SLC24A2: variants seen among roughly 807,000 people sequenced by gnomAD.
SLC24A2 encodes solute carrier family 24 member 2, also known as sodium/potassium/calcium exchanger 2.
In SLC24A2, 36 loss-of-function variants were observed where a neutral mutation model predicts 62.0. The ratio of observed to expected loss-of-function variants is 0.58; its 90% CI spans 0.44 to 0.77. The LOEUF is 0.77. Among genes scored for constraint, SLC24A2 ranks in the 30% least tolerant of loss-of-function variants. The pLI, the probability that SLC24A2 is intolerant of heterozygous loss-of-function variation, is 0.00. For synonymous variants in SLC24A2, 358 were observed against 294.0 expected, an observed-to-expected ratio of 1.22 and a Z score of -2.23; for missense variants, 846 against 817.9, an observed-to-expected ratio of 1.03 and a Z score of -0.42.
At chr9:20,032,861 T>C in the SLC24A2 span, among the ~76,000 whole-genome samples, 27 of 152,030 alleles carry the variant, frequency 1.8e-4, no homozygotes, top group Admixed American at 4.6e-4. Flanking sequence ...AAAAACACAG[T>C]GTATTGCAAG....
chr9:20,237,234 C>T, the SLC24A2 span, among the ~76,000 whole-genome samples: 1 of 152,126 alleles, frequency 6.6e-6, no homozygotes, highest in Non-Finnish European at 1.5e-5. Flanking sequence ...CTATATGTAT[C>T]ATATATAATA....
chr9:20,193,239 C>A, the SLC24A2 span, among the ~76,000 whole-genome samples: 1 of 152,088 alleles, frequency 6.6e-6, no homozygotes, highest in Admixed American at 6.6e-5. Flanking sequence ...AAATAAAGTA[C>A]AAACTGGATT....
chr9:20,034,633 A>AT, the SLC24A2 span, among the ~76,000 whole-genome samples: 9 of 151,386 alleles, frequency 5.9e-5, no homozygotes, highest in South Asian at 2.1e-4. Flanking sequence ...TGCCCGGCTA[A>AT]TTTTTTTTGT....
intron 10 of SLC24A2, among the ~76,000 whole-genome samples, chr9:19,519,674 A>C (rs963865945): frequency 6.6e-6 from 1 of 152,206 alleles, no homozygotes; most frequent in Non-Finnish European, 1.5e-5. Context: ...TCTAGCAGGC[A>C]GATATACCAG....
the SLC24A2 span, among the ~76,000 whole-genome samples, chr9:20,213,580 G>A: frequency 2.0e-5 from 3 of 151,998 alleles, no homozygotes; most frequent in African/African-American, 7.2e-5. Context: ...TGCTTAATCT[G>A]AAAAAGAAAA....
the SLC24A2 span, among the ~76,000 whole-genome samples, chr9:20,129,637 G>A: frequency 7.9e-5 from 12 of 152,140 alleles, 1 homozygote; most frequent in East Asian, 2.3e-3. Flanking sequence ...CAACATGGAT[G>A]AACCTTGAAA....
the SLC24A2 span, among the ~76,000 whole-genome samples, chr9:20,286,237 C>T: frequency 6.6e-6 from 1 of 152,202 alleles, no homozygotes; most frequent in Non-Finnish European, 1.5e-5. Flanking sequence ...ATCCAAGCTA[C>T]CATGGCTTGA....
chr9:19,833,347 C>T, the SLC24A2 span, among the ~76,000 whole-genome samples: 3,973 of 152,240 alleles, frequency 0.026, 66 homozygotes, highest in Non-Finnish European at 0.032. Context: ...GGGTGACAGA[C>T]GGCACTTGGA....
chr9:19,609,376 C>A (rs1040920965), intron 4 of SLC24A2, among the ~76,000 whole-genome samples: 22 of 152,326 alleles, frequency 1.4e-4, no homozygotes, highest in African/African-American at 5.3e-4. Flanking sequence ...TCAGAGGAGA[C>A]CCCGGTGGCC....
At chr9:20,169,073 ATAGT>A in the SLC24A2 span, among the ~76,000 whole-genome samples, 1 of 152,060 alleles carries the variant, frequency 6.6e-6, no homozygotes, top group African/African-American at 2.4e-5. Context: ...CATTGAAAAT[ATAGT>A]ATAAGTGAAA....
the SLC24A2 span, among the ~76,000 whole-genome samples, chr9:20,239,162 C>G: frequency 1.3e-5 from 2 of 152,232 alleles, no homozygotes; most frequent in Non-Finnish European, 2.9e-5. Context: ...AGCAGAAGCT[C>G]ACTTGGTCCT....
chr9:19,704,998 G>C (rs1337830516), intron 2 of SLC24A2, among the ~76,000 whole-genome samples: 1 of 152,094 alleles, frequency 6.6e-6, no homozygotes, highest in African/African-American at 2.4e-5. Context: ...CAGCTGCTTT[G>C]TCAGAATGAT....
chr9:20,075,208 G>A, the SLC24A2 span, among the ~76,000 whole-genome samples: 1 of 152,188 alleles, frequency 6.6e-6, no homozygotes, highest in African/African-American at 2.4e-5. Context: ...CAGGAATAAT[G>A]ATAAAACTGT....
the SLC24A2 span, among the ~76,000 whole-genome samples, chr9:20,222,425 G>A: frequency 2.0e-5 from 3 of 151,966 alleles, no homozygotes; most frequent in Admixed American, 1.3e-4. Context: ...TGTTTTGTAG[G>A]CAATTAAAAC....
At chr9:19,801,910 C>A in the SLC24A2 span, among the ~76,000 whole-genome samples, 1 of 152,174 alleles carries the variant, frequency 6.6e-6, no homozygotes, top group South Asian at 2.1e-4. Flanking sequence ...CAGTAGAGGT[C>A]GTCCTTTATT....
the SLC24A2 span, among the ~76,000 whole-genome samples, chr9:20,020,742 A>C: frequency 6.6e-6 from 1 of 152,190 alleles, no homozygotes; most frequent in African/African-American, 2.4e-5. Context: ...CATAAAAAAG[A>C]AAGATAAATT....
the SLC24A2 span, among the ~76,000 whole-genome samples, chr9:20,221,394 AAAAG>A: frequency 5.3e-5 from 8 of 152,140 alleles, no homozygotes; most frequent in African/African-American, 1.9e-4. Context: ...TGAGAAAAAG[AAAAG>A]AAAGTTACCA....
chr9:19,632,384 A>G lies in SLC24A2; in HGVS notation c.931-10085T>C, dbSNP rs1414194661. Among the ~76,000 whole-genome samples, 1 of 152,162 alleles carries G rather than the reference A, an allele frequency of 6.6e-6. No individual in the cohort carries two copies. The highest frequency in any genetic ancestry group is 1.5e-5 in the Non-Finnish European group (1 of 68,030). On this transcript the variant is annotated intron_variant, in intron 2 of 10. Coordinates refer to ENST00000341998, the MANE Select transcript of SLC24A2 (RefSeq NM_020344.4). The surrounding 1 kb of genome is among the most constrained non-coding windows in gnomAD (Gnocchi z 4.5). ...ATCACATGTTTAATGAGCATCTTAT[A>G]TGTGCTACATTTTTCTAGGTGCAGG...
chr9:19,606,205 GA>G (rs906558514), intron 4 of SLC24A2, among the ~76,000 whole-genome samples: 1 of 151,010 alleles, frequency 6.6e-6, no homozygotes, highest in African/African-American at 2.4e-5. Context: ...TGTGTTGCAT[GA>G]AAAAAAAATC....
Sources: allele counts gnomAD v4.1 joint callset (sites outside exome capture counted in the v4.1 genomes callset), GRCh38; gene constraint gnomAD v4.1.1; non-coding constraint Gnocchi (gnomAD v3.1); transcripts MANE v1.5; gene names NCBI Gene and HGNC (gene_info 2026-07-23, HGNC 2026-07-21).